LRP1B: variants seen among roughly 807,000 people sequenced by gnomAD.
LRP1B encodes the protein low-density lipoprotein receptor-related protein 1B.
Under a neutral mutation model 556.6 loss-of-function variants are expected in LRP1B, and 217 were observed. That is an observed-to-expected ratio of 0.39 (90% CI 0.35 to 0.44). The LOEUF is 0.44. LRP1B is among the 20% of genes least tolerant of loss of function. The probability of loss-of-function intolerance (pLI) is 1.00; values close to 1 mark genes in which losing one functional copy is unlikely to be tolerated. For missense variants in LRP1B, 5,053 were observed against 5,620.8 expected (o/e 0.90, Z 3.23); for synonymous variants, 2,047 against 1,865.8 (o/e 1.10, Z -2.50).
intron 21 of LRP1B, 82 bp from the exon 22 acceptor site, chr2:140,908,159 A>T: frequency 1.9e-6 from 2 of 1,077,552 alleles, no homozygotes; most frequent in Non-Finnish European, 1.4e-6. Flanking sequence ...GTCTTCAGTC[A>T]CAGGCAGAAT....
chr2:141,820,125 A>G (rs1267614164), intron 1 of LRP1B, among the ~76,000 whole-genome samples: 1 of 152,218 alleles, frequency 6.6e-6, no homozygotes, highest in Admixed American at 6.5e-5. Flanking sequence ...ATGAAAACTG[A>G]AAGGCAAACT....
At chr2:140,329,000 T>C (rs1680649556) in intron 79 of LRP1B, among the ~76,000 whole-genome samples, 1 of 152,108 alleles carries the variant, frequency 6.6e-6, no homozygotes, top group African/African-American at 2.4e-5. Flanking sequence ...ATTTATTTTC[T>C]TAGAAATTGC....
chr2:141,403,673 G>T (rs1690525529), intron 3 of LRP1B, among the ~76,000 whole-genome samples: 1 of 152,096 alleles, frequency 6.6e-6, no homozygotes, highest in Non-Finnish European at 1.5e-5. Context: ...AATCTGTTAT[G>T]ATAATGACTT....
chr2:140,360,229 TCA>T (rs1415982693), intron 72 of LRP1B, among the ~76,000 whole-genome samples: 21 of 151,590 alleles, frequency 1.4e-4, no homozygotes, highest in Non-Finnish European at 2.8e-4. Context: ...TCCTGCAGAC[TCA>T]TCCCTTGTCC....
At chr2:141,483,325 G>T (rs968200992) in intron 2 of LRP1B, among the ~76,000 whole-genome samples, 2 of 150,732 alleles carry the variant, frequency 1.3e-5, no homozygotes, top group Admixed American at 1.3e-4. Flanking sequence ...GTATTCCATG[G>T]TGTATATGTG....
chr2:140,270,274 C>G lies in LRP1B; in HGVS notation c.13215G>C (p.Gln4405His), dbSNP rs2104943775. 2 of 1,612,100 alleles carry G rather than the reference C, an allele frequency of 1.2e-6. No individual in the cohort carries two copies. Among genetic ancestry groups the G allele is most frequent in the Non-Finnish European group, 1.7e-6 (2 of 1,178,674 alleles). Residue 4405 changes from glutamine (Q) to histidine (H), a missense_variant, in exon 86 of 91, where the codon CAG becomes CAC. Coordinates refer to ENST00000389484, the MANE Select transcript of LRP1B (RefSeq NM_018557.3). ...CAGGTACATTTGTCTCGGGGTCCAG[C>G]TGGCATGTGCCACCATTGTAACAGT... ...DGYCYNGGTCQLDPETNVPVC... is the reference protein window; with the variant it reads ...DGYCYNGGTCHLDPETNVPVC...
chr2:140,665,511 T>G (rs1214217715), intron 41 of LRP1B, among the ~76,000 whole-genome samples: 6 of 152,226 alleles, frequency 3.9e-5, no homozygotes, highest in Admixed American at 6.5e-5. Flanking sequence ...TGTTCCTAAA[T>G]TTAAGTCTTA....
chr2:141,517,004 TAAAAAAA>T (rs71391654), intron 2 of LRP1B, among the ~76,000 whole-genome samples: 446 of 11,724 alleles, frequency 0.038, 8 homozygotes, highest in African/African-American at 0.088. Flanking sequence ...GCCCGTCTCT[TAAAAAAA>T]AAAAAAAAAA....
chr2:140,704,658 A>G (rs1235194752), intron 37 of LRP1B, among the ~76,000 whole-genome samples: 1 of 152,120 alleles, frequency 6.6e-6, no homozygotes, highest in Non-Finnish European at 1.5e-5. Context: ...GCTACACTTA[A>G]CTTTTTAAGG....
In LRP1B at chr2:141,424,996, G is replaced by A. The variant is rs181728710; in HGVS notation, c.343+55400C>T. The stretch of plus-strand genomic sequence containing the variant: ...AGGTTTGTTACATATGTATACATGT[G>A]CCATGCTGGTGTGCTGCACCCATTA... On this transcript the variant is annotated intron_variant, in intron 3 of 90. Coordinates refer to ENST00000389484, the MANE Select transcript of LRP1B (RefSeq NM_018557.3). Among the ~76,000 whole-genome samples, 674 of 151,768 alleles carry A rather than the reference G, an allele frequency of 4.4e-3. 4 individuals carry two copies. Among genetic ancestry groups the A allele is most frequent in the African/African-American group, 0.015 (631 of 41,354 alleles).
chr2:141,238,869 A>G (rs1190443152), intron 5 of LRP1B, among the ~76,000 whole-genome samples: 1 of 152,146 alleles, frequency 6.6e-6, no homozygotes, highest in Non-Finnish European at 1.5e-5. Flanking sequence ...ATTAAGATAG[A>G]AAATCAAAAG....
chr2:141,171,675 G>A (rs1435563100), intron 7 of LRP1B, among the ~76,000 whole-genome samples: 3 of 152,046 alleles, frequency 2.0e-5, no homozygotes, highest in South Asian at 2.1e-4. Context: ...GTGTAGCAGC[G>A]TAAGAGTGTA....
chr2:141,349,226 G>A (rs552567406), intron 3 of LRP1B, among the ~76,000 whole-genome samples: 1 of 151,934 alleles, frequency 6.6e-6, no homozygotes, highest in Admixed American at 6.6e-5. Context: ...AATAAATATG[G>A]CCACATCATC....
intron 1 of LRP1B, among the ~76,000 whole-genome samples, chr2:142,036,759 C>A (rs903382086): frequency 6.6e-6 from 1 of 151,640 alleles, no homozygotes; most frequent in African/African-American, 2.4e-5. Context: ...TATCCAACTA[C>A]CTCAGCAAAG....
intron 2 of LRP1B, among the ~76,000 whole-genome samples, chr2:141,780,512 A>G (rs1048526124): frequency 6.6e-6 from 1 of 152,188 alleles, no homozygotes; most frequent in African/African-American, 2.4e-5. Context: ...CAGGAAAAAA[A>G]TCAGCGATTT....
At chr2:140,314,226 C>A (rs1426283402) in intron 83 of LRP1B, among the ~76,000 whole-genome samples, 1 of 151,842 alleles carries the variant, frequency 6.6e-6, no homozygotes, top group Non-Finnish European at 1.5e-5. Flanking sequence ...GCATAATATC[C>A]CTTGCACTAA....
At chr2:140,792,743 G>A (rs1690167207) in intron 32 of LRP1B, among the ~76,000 whole-genome samples, 1 of 152,088 alleles carries the variant, frequency 6.6e-6, no homozygotes, top group Non-Finnish European at 1.5e-5. Flanking sequence ...ATTTCAAGTG[G>A]AGAGAGAGTA....
intron 41 of LRP1B, among the ~76,000 whole-genome samples, chr2:140,651,726 A>T (rs77966117): frequency 0.012 from 1,823 of 152,190 alleles, 32 homozygotes; most frequent in African/African-American, 0.039. Context: ...TAGATGAGGG[A>T]GTCATGAACA....
At chr2:141,511,559 G>A (rs141039666) in intron 2 of LRP1B, among the ~76,000 whole-genome samples, 254 of 152,278 alleles carry the variant, frequency 1.7e-3, no homozygotes, top group African/African-American at 5.8e-3. Flanking sequence ...CCTCTGTTTT[G>A]TTGTAAAATA....
Sources: gnomAD v4.1 joint callset for allele counts (sites outside exome capture counted in the v4.1 genomes callset) on GRCh38, gnomAD v4.1.1 for gene constraint, MANE v1.5 for transcripts, NCBI Gene and HGNC (gene_info 2026-07-23, HGNC 2026-07-21) for gene names.